The following GPC1 variants were observed in gnomAD, a reference collection of about 807,000 sequenced individuals.
GPC1 encodes glypican-1.
GPC1 carries 26 observed loss-of-function variants against 51.5 expected under a neutral mutation model. The observed-to-expected ratio is 0.50, with a 90% CI of 0.37 to 0.70. The LOEUF (loss-of-function observed/expected upper bound fraction) is 0.70. Ranked by LOEUF, GPC1 falls within the 30% of genes least tolerant of loss-of-function variation. GPC1 has a pLI of 0.00. For missense variants in GPC1, 775 were observed against 800.5 expected, an observed-to-expected ratio of 0.97 and a Z score of 0.38; for synonymous variants, 380 against 348.3, an observed-to-expected ratio of 1.09 and a Z score of -1.01.
chr2:240,458,565 C>T (rs561554945), intron 1 of GPC1: 34 of 173,870 alleles, frequency 2.0e-4, no homozygotes, highest in African/African-American at 5.9e-4. Flanking sequence ...TGGGATCTGC[C>T]GTCCTTGCAG....
At position 240,462,371 on chromosome 2, in the gene GPC1, G is replaced by A. The variant is rs557977354; in HGVS notation, c.506G>A (p.Arg169His). 2.5e-6 allele frequency: 4 copies of A among 1,591,416 alleles called. No homozygotes were observed. The highest frequency in any genetic ancestry group is 1.1e-5 in the South Asian group (1 of 88,320). Residue 169 changes from arginine to histidine, a missense_variant, in exon 3 of 9, where the codon CGC becomes CAC. Transcript: ENST00000264039. The stretch of plus-strand genomic sequence containing the variant: ...GAGACGCTGGCCGAGTTCTGGGCCC[G>A]CCTGCTCGAGCGCCTCTTCAAGCAG... ...LEETLAEFWA[R>H]LLERLFKQLH...
In GPC1 at chr2:240,462,227, C is replaced by A. The variant is rs139334776; in HGVS notation, c.362C>A (p.Thr121Lys). ...CACCTGCTGAACGACTCGGAGCGGACGCTGCAGGCCACCTTCCCCGGCGCC... is the reference window on the plus strand; with the variant it reads ...CACCTGCTGAACGACTCGGAGCGGAAGCTGCAGGCCACCTTCCCCGGCGCC... ...FQHLLNDSER[T>K]LQATFPGAFG... The change falls in exon 3 of 9, where the codon ACG (threonine) becomes AAG (lysine). Residue 121 changes from threonine (T) to lysine (K), a missense_variant. Transcript: ENST00000264039. 2 of 1,608,568 alleles carry A rather than the reference C, an allele frequency of 1.2e-6. No individual in the cohort carries two copies. The highest frequency in any genetic ancestry group is 8.5e-7 in the Non-Finnish European group (1 of 1,177,388).
chr2:240,456,680 G>A (rs1001950068), intron 1 of GPC1: 4 of 464,550 alleles, frequency 8.6e-6, no homozygotes, highest in Middle Eastern at 3.2e-4. Flanking sequence ...CCACACCCTC[G>A]GAGAGACGCC....
At chr2:240,437,817 C>A (rs918430235) in intron 1 of GPC1, among the ~76,000 whole-genome samples, 14 of 152,346 alleles carry the variant, frequency 9.2e-5, no homozygotes, top group African/African-American at 3.4e-4. Context: ...GTCCTCTGGG[C>A]AGTTGCATCC....
At chr2:240,437,231 G>T (rs1424883538) in intron 1 of GPC1, among the ~76,000 whole-genome samples, 3 of 152,070 alleles carry the variant, frequency 2.0e-5, no homozygotes, top group South Asian at 2.1e-4. Flanking sequence ...GGTGAGGGGG[G>T]TCTGTGGCCA....
chr2:240,444,129 A>T (rs10167614), intron 1 of GPC1, among the ~76,000 whole-genome samples: 7 of 152,138 alleles, frequency 4.6e-5, no homozygotes, highest in African/African-American at 1.7e-4. Flanking sequence ...TGTCGGGGCC[A>T]TGTGAGGACA....
chr2:240,456,446 T>C (rs969133772), intron 1 of GPC1: 3 of 382,432 alleles, frequency 7.8e-6, no homozygotes, highest in African/African-American at 6.3e-5. Flanking sequence ...ACCAGCTCAC[T>C]CGGTTCCTGT....
At chr2:240,457,551 T>G (rs992580706) in intron 1 of GPC1, 12 of 451,122 alleles carry the variant, frequency 2.7e-5, no homozygotes, top group Non-Finnish European at 4.7e-5. Context: ...GAGGGGTGAC[T>G]TCTCTTGCAG....
At chr2:240,451,852 C>G (rs557915923) in intron 1 of GPC1, 1 of 153,614 alleles carries the variant, frequency 6.5e-6, no homozygotes, top group Non-Finnish European at 1.4e-5. Flanking sequence ...ACCGCCCAGA[C>G]CTGGCGTCTG....
chr2:240,446,471 G>C (rs958035868), intron 1 of GPC1, among the ~76,000 whole-genome samples: 1 of 152,236 alleles, frequency 6.6e-6, no homozygotes, highest in Non-Finnish European at 1.5e-5. Context: ...TACAAGTAAA[G>C]GGGTGTGACA....
At chr2:240,452,871 G>A (rs1048963063) in intron 1 of GPC1, 6 of 218,506 alleles carry the variant, frequency 2.7e-5, no homozygotes, top group African/African-American at 9.6e-5. Context: ...CCGCGCGCCC[G>A]GCGGACCGCA....
chr2:240,440,632 C>T (rs1171429786), intron 1 of GPC1, among the ~76,000 whole-genome samples: 11 of 20,228 alleles, frequency 5.4e-4, no homozygotes, highest in South Asian at 2.4e-3. Context: ...GCCTCCGGTC[C>T]TGCCCAGCTC....
In GPC1 at chr2:240,462,526, C is replaced by T. The variant is rs368508405; in HGVS notation, c.661C>T (p.Arg221Cys). ...LRATRAFVAA[R>C]SFVQGLGVAS... ...GGCCACCCGTGCCTTCGTGGCTGCT[C>T]GCTCCTTTGTGCAGGGCCTGGGCGT... Residue 221 changes from arginine to cysteine, a missense_variant, in exon 3 of 9, where the codon CGC (arginine) becomes TGC (cysteine). Coordinates refer to ENST00000264039, the MANE Select transcript of GPC1 (RefSeq NM_002081.3). 8.2e-6 allele frequency: 13 copies of T among 1,579,788 alleles called. No homozygotes were observed. Among genetic ancestry groups the T allele is most frequent in the South Asian group, 4.5e-5 (4 of 88,958 alleles).
In GPC1 at chr2:240,464,461, A is replaced by G. The variant is rs144585045; in HGVS notation, c.884-155A>G. 2.1e-5 allele frequency: 20 copies of G among 974,004 alleles called. No homozygotes were observed. In the East Asian group the frequency reaches 5.2e-4, roughly 25 times the overall value. The allele number at this position is 974,004 out of a possible 1,614,324, so 60.3% of individuals were successfully genotyped here. On this transcript the variant is annotated intron_variant, in intron 4 of 8. Transcript: ENST00000264039. ...AGTGCACGTGGCCTGCACATGTCAC[A>G]CGGGCCAACCTGAGTGCACACGTGG...
intron 1 of GPC1, chr2:240,457,967 G>A (rs976865988): frequency 6.5e-6 from 3 of 458,996 alleles, no homozygotes; most frequent in Non-Finnish European, 1.4e-5. Flanking sequence ...CCTCTCCACT[G>A]TGCCTGACCT....
In GPC1 at chr2:240,466,567, CCT is replaced by C. The variant is rs1193948751; in HGVS notation, c.*279_*280del. 1 of 477,754 alleles carries C rather than the reference CCT, an allele frequency of 2.1e-6. No individual in the cohort carries two copies. Among genetic ancestry groups the C allele is most frequent in the Non-Finnish European group, 3.7e-6 (1 of 268,462 alleles). The allele number at this position is 477,754 out of a possible 1,614,324, so 29.6% of individuals were successfully genotyped here. A position where few individuals can be genotyped will look rare whatever the true frequency, so the allele number is the denominator to read the frequency against. On this transcript the variant is annotated 3_prime_UTR_variant, in exon 9 of 9. Transcript: ENST00000264039. The stretch of plus-strand genomic sequence containing the variant: ...TCAGGGGCACCTCCGGCTGCCTAGC[CCT>C]CCCCCCAGCTCCCTGCACCGCCGCA...
At position 240,462,192 on chromosome 2, in the gene GPC1, C is replaced by A. The variant is rs1340608186; in HGVS notation, c.327C>A (p.Asp109Glu). Residue 109 changes from aspartate to glutamate, a missense_variant and splice_region_variant, in exon 3 of 9, where the codon GAC (aspartate) becomes GAA (glutamate). Physicochemically the swap from Asp to Glu is conservative, Grantham distance 45 (BLOSUM62 2). Transcript: ENST00000264039. Reference protein sequence around the residue: ...MLATQLRSFDDHFQHLLNDSE... With the variant: ...MLATQLRSFDEHFQHLLNDSE... ...ATCACGCCCCCTCCCTGTGCGCAGA[C>A]CACTTCCAGCACCTGCTGAACGACT... The A allele has an allele frequency of 1.3e-6, 2 of 1,587,842 alleles. No individual in the cohort carries two copies. The highest frequency in any genetic ancestry group is 1.7e-6 in the Non-Finnish European group (2 of 1,164,240).
intron 1 of GPC1, among the ~76,000 whole-genome samples, chr2:240,444,157 C>T (rs1158432017): frequency 1.3e-5 from 2 of 152,154 alleles, no homozygotes; most frequent in Non-Finnish European, 2.9e-5. Flanking sequence ...CAGGAGGGCC[C>T]GGCCAGCCTC....
rs748371648 is a variant in GPC1, at chr2:240,465,569, G to C, written c.1365G>C (p.Gln455His). ...CCAAGCCGGACATGACCATCCGGCAGCAGATCATGCAGCTGAAGATCATGA... is the reference window on the plus strand; with the variant it reads ...CCAAGCCGGACATGACCATCCGGCACCAGATCATGCAGCTGAAGATCATGA... ...DITKPDMTIR[Q>H]QIMQLKIMTN... The change falls in exon 8 of 9, where the codon CAG (glutamine) becomes CAC (histidine). Residue 455 changes from glutamine (Q) to histidine (H), a missense_variant. Transcript: ENST00000264039. 6.2e-7 allele frequency: 1 copy of C among 1,613,078 alleles called. No individual in the cohort carries two copies. The highest frequency in any genetic ancestry group is 1.7e-5 in the Admixed American group (1 of 60,008).
Sources: gnomAD v4.1 joint callset for allele counts (sites outside exome capture counted in the v4.1 genomes callset) on GRCh38, gnomAD v4.1.1 for gene constraint, MANE v1.5 for transcripts, NCBI Gene and HGNC (gene_info 2026-07-23, HGNC 2026-07-21) for gene names.